The following GRIK2 variants were observed in gnomAD, a reference collection of about 807,000 sequenced individuals.
GRIK2 encodes the protein glutamate receptor ionotropic, kainate 2.
A neutral mutation model predicts 100.3 loss-of-function variants in GRIK2; 32 were observed. That is an observed-to-expected ratio of 0.32 (90% CI 0.24 to 0.43). The LOEUF (loss-of-function observed/expected upper bound fraction) is 0.43, where lower values mean the gene tolerates loss of function less well. Ranked by LOEUF, GRIK2 falls within the 20% of genes least tolerant of loss-of-function variation. The pLI is 1.00. For missense variants in GRIK2, 843 were observed against 1,114.9 expected (o/e 0.76, Z 3.47); for synonymous variants, 417 against 389.4 (o/e 1.07, Z -0.83).
chr6:102,004,365 T>C (rs1445776796), intron 14 of GRIK2, among the ~76,000 whole-genome samples: 2 of 151,346 alleles, frequency 1.3e-5, no homozygotes, highest in African/African-American at 4.8e-5. Flanking sequence ...AAGACTAGTT[T>C]CTGGTTTATA....
At chr6:101,587,221 TATAAG>T (rs915965175) in intron 2 of GRIK2, among the ~76,000 whole-genome samples, 5 of 151,794 alleles carry the variant, frequency 3.3e-5, no homozygotes, top group African/African-American at 9.7e-5. Flanking sequence ...AATTTAGAAA[TATAAG>T]AGATGGTTTA....
At chr6:101,480,016 T>G (rs1772445245) in intron 2 of GRIK2, among the ~76,000 whole-genome samples, 1 of 152,140 alleles carries the variant, frequency 6.6e-6, no homozygotes, top group African/African-American at 2.4e-5. Context: ...CAAATAACAT[T>G]GTTTTAGCCT....
chr6:102,017,900 G>T (rs1562114925), intron 14 of GRIK2, among the ~76,000 whole-genome samples: 1 of 151,978 alleles, frequency 6.6e-6, no homozygotes, highest in Non-Finnish European at 1.5e-5. Flanking sequence ...CTATCCCTCT[G>T]CTTACATTGT....
intron 12 of GRIK2, among the ~76,000 whole-genome samples, chr6:101,922,680 T>C (rs1189041940): frequency 1.3e-5 from 2 of 152,146 alleles, no homozygotes; most frequent in Non-Finnish European, 2.9e-5. Flanking sequence ...TTTCTCATGC[T>C]TTGGGCAGGG....
At chr6:101,436,426 G>A (rs1030982419) in intron 2 of GRIK2, among the ~76,000 whole-genome samples, 1 of 152,050 alleles carries the variant, frequency 6.6e-6, no homozygotes, top group South Asian at 2.1e-4. Context: ...TTAGCTGCAA[G>A]GCTGTGTACT....
At chr6:101,814,515 A>G (rs1781517594) in intron 9 of GRIK2, among the ~76,000 whole-genome samples, 1 of 152,116 alleles carries the variant, frequency 6.6e-6, no homozygotes, top group Non-Finnish European at 1.5e-5. Context: ...TTTATAATAT[A>G]ATCTGATGTT....
At chr6:101,677,490 T>G (rs1582943203) in intron 5 of GRIK2, among the ~76,000 whole-genome samples, 1 of 152,166 alleles carries the variant, frequency 6.6e-6, no homozygotes, top group Non-Finnish European at 1.5e-5. Flanking sequence ...AATCTTTTAG[T>G]ATTATGTCAG....
At chr6:102,030,755 C>A (rs2114405458) in intron 14 of GRIK2, among the ~76,000 whole-genome samples, 1 of 151,188 alleles carries the variant, frequency 6.6e-6, no homozygotes, top group East Asian at 2.0e-4. Flanking sequence ...TCCTAGGACT[C>A]ATCTTATCTT....
chr6:101,942,707 A>G (rs1791029507), intron 14 of GRIK2, among the ~76,000 whole-genome samples: 1 of 152,214 alleles, frequency 6.6e-6, no homozygotes, highest in East Asian at 1.9e-4. Flanking sequence ...TCAAAGCAGC[A>G]AAGTATTCAT....
At chr6:101,496,355 T>A (rs948980680) in intron 2 of GRIK2, among the ~76,000 whole-genome samples, 8 of 152,214 alleles carry the variant, frequency 5.3e-5, no homozygotes, top group Admixed American at 1.3e-4. Context: ...ACATAATGGC[T>A]GTGATTTACT....
intron 7 of GRIK2, among the ~76,000 whole-genome samples, chr6:101,704,596 C>A (rs1403550576): frequency 6.6e-6 from 1 of 151,474 alleles, no homozygotes. Context: ...ATTTGTTTAA[C>A]AATTTAAATA....
intron 7 of GRIK2, among the ~76,000 whole-genome samples, chr6:101,749,791 G>A (rs1776666779): frequency 6.8e-6 from 1 of 146,570 alleles, no homozygotes; most frequent in Non-Finnish European, 1.5e-5. Flanking sequence ...GAAAACTTGT[G>A]TGTGCCAGTT....
At chr6:101,547,904 C>T (rs1304109725) in intron 2 of GRIK2, among the ~76,000 whole-genome samples, 3 of 152,152 alleles carry the variant, frequency 2.0e-5, no homozygotes. Flanking sequence ...CACTGACTCC[C>T]ACAATGGTTG....
intron 7 of GRIK2, among the ~76,000 whole-genome samples, chr6:101,748,616 C>T (rs958223630): frequency 2.6e-5 from 4 of 152,022 alleles, no homozygotes; most frequent in African/African-American, 9.6e-5. Flanking sequence ...CCTGCTAGTG[C>T]AGGCTTATTG....
rs560293493 is a variant in GRIK2 at position 101,992,424 on chromosome 6, G to A, written c.2086-42917G>A. ...CATAAGCCTCTTGGCAGTTTTCAGC[G>A]AATTCATACATATCAAAAGGGACTC... On this transcript the variant is annotated intron_variant, in intron 14 of 16. Coordinates refer to ENST00000369134, the MANE Select transcript of GRIK2 (RefSeq NM_021956.5). Among the ~76,000 whole-genome samples, 8 of 151,648 alleles carry A rather than the reference G, an allele frequency of 5.3e-5. No homozygotes were observed. The South Asian group carries it at 6.2e-4, about 12-fold the overall frequency.
Position 101,626,417 on chromosome 6 carries a change from C to T in GRIK2, c.321C>T (p.Phe107=), listed in dbSNP as rs778749802. Residue 107 remains phenylalanine (F), a synonymous_variant, in exon 4 of 17, where the codon TTC becomes TTT. Transcript: ENST00000369134. ...TGTCTCTTGGGGTGGCTGCCATCTT[C>T]GGGCCTTCACACAGCTCATCAGCAA... The part of the protein sequence containing the change: ...DQLSLGVAAI[F]GPSHSSSANA... 1.3e-5 allele frequency: 21 copies of T among 1,613,210 alleles called. No individual in the cohort carries two copies. The highest frequency in any genetic ancestry group is 3.3e-5 in the Admixed American group (2 of 59,980).
chr6:102,011,905 G>A (rs35828195), intron 14 of GRIK2, among the ~76,000 whole-genome samples: 3,731 of 152,026 alleles, frequency 0.025, 61 homozygotes, highest in Middle Eastern at 0.088. Flanking sequence ...TTCTTTTATG[G>A]ATAATGCTTT....
At chr6:102,006,990 C>T (rs1222037195) in intron 14 of GRIK2, among the ~76,000 whole-genome samples, 1 of 151,940 alleles carries the variant, frequency 6.6e-6, no homozygotes, top group Non-Finnish European at 1.5e-5. Flanking sequence ...AGAAATACTC[C>T]TAATTCTGTG....
chr6:101,827,489 A>AAAC (rs201496312), intron 10 of GRIK2, among the ~76,000 whole-genome samples: 6,963 of 151,676 alleles, frequency 0.046, 185 homozygotes, highest in Non-Finnish European at 0.058. Flanking sequence ...AAACAAAACA[A>AAAC]AAAAAAACCA....
Sources: gnomAD v4.1 joint callset for allele counts (sites outside exome capture counted in the v4.1 genomes callset) on GRCh38, gnomAD v4.1.1 for gene constraint, MANE v1.5 for transcripts, NCBI Gene and HGNC (gene_info 2026-07-23, HGNC 2026-07-21) for gene names.